PLEKHA5: variants seen among roughly 807,000 people sequenced by gnomAD.
PLEKHA5 encodes the protein pleckstrin homology domain-containing family A member 5.
In PLEKHA5, 55 loss-of-function variants were observed where a neutral mutation model predicts 181.9. The observed-to-expected ratio is 0.30, with a 90% CI of 0.24 to 0.38. The LOEUF is 0.38. PLEKHA5 is among the 10% of genes least tolerant of loss of function. PLEKHA5 has a pLI of 1.00. For synonymous variants in PLEKHA5, 535 were observed against 529.4 expected, an observed-to-expected ratio of 1.01 and a Z score of -0.15; for missense variants, 1,432 against 1,549.5, an observed-to-expected ratio of 0.92 and a Z score of 1.27.
intron 3 of PLEKHA5, among the ~76,000 whole-genome samples, chr12:19,244,008 T>G (rs540816509): frequency 6.6e-6 from 1 of 152,316 alleles, no homozygotes; most frequent in East Asian, 1.9e-4. Context: ...TTTCTCCTTT[T>G]TATTACAATG....
intron 3 of PLEKHA5, among the ~76,000 whole-genome samples, chr12:19,221,615 G>A (rs1403974071): frequency 1.3e-5 from 2 of 152,092 alleles, no homozygotes; most frequent in East Asian, 1.9e-4. Flanking sequence ...AAACCCGACC[G>A]TATGCAAAAA....
chr12:19,297,425 A>G (rs1292096401), intron 15 of PLEKHA5, among the ~76,000 whole-genome samples: 1 of 150,762 alleles, frequency 6.6e-6, no homozygotes, highest in African/African-American at 2.4e-5. Context: ...GATCGAGACC[A>G]TCCTGGCTAA....
chr12:19,291,832 A>G, intron 15 of PLEKHA5, 135 bp downstream of exon 15: 1 of 539,510 alleles, frequency 1.9e-6, no homozygotes, highest in South Asian at 2.7e-5. Context: ...AGAATATGAA[A>G]TCTCTGACCA....
chr12:19,214,767 C>T lies in PLEKHA5; in HGVS notation c.228-39173C>T, dbSNP rs537355942. 1.1e-4 allele frequency among the ~76,000 whole-genome samples: 16 copies of T among 152,168 alleles called. No homozygotes were observed. In the South Asian group the frequency reaches 2.7e-3, roughly 26 times the overall value. On this transcript the variant is annotated intron_variant, in intron 3 of 31. Transcript: ENST00000429027. ...GAAAGCAAATGAAAGAGTTGTCTGC[C>T]AGATGGTGTTAAGAGCCCATCTGAA... is the stretch of plus-strand genomic sequence containing the variant.
chr12:19,310,164 A>C (rs1261641134), intron 15 of PLEKHA5, among the ~76,000 whole-genome samples: 1 of 152,226 alleles, frequency 6.6e-6, no homozygotes, highest in African/African-American at 2.4e-5. Context: ...ACTCATTTCA[A>C]GTGAATCCTT....
chr12:19,332,558 T>C (rs1360721547), intron 20 of PLEKHA5, among the ~76,000 whole-genome samples: 1 of 152,130 alleles, frequency 6.6e-6, no homozygotes, highest in Non-Finnish European at 1.5e-5. Flanking sequence ...GGTGCAGTCA[T>C]AGCACACCAC....
intron 10 of PLEKHA5, among the ~76,000 whole-genome samples, chr12:19,272,169 A>G (rs966544870): frequency 1.3e-5 from 2 of 152,166 alleles, no homozygotes; most frequent in Non-Finnish European, 2.9e-5. Context: ...CCCAAAGAAA[A>G]AAAAATCTAA....
intron 3 of PLEKHA5, among the ~76,000 whole-genome samples, chr12:19,242,706 T>G (rs916769191): frequency 3.3e-5 from 5 of 152,188 alleles, no homozygotes; most frequent in Admixed American, 6.5e-5. Flanking sequence ...GTTCTTAATG[T>G]CTATAATAAT....
chr12:19,236,975 C>G, intron 3 of PLEKHA5: 1 of 152,140 alleles, frequency 6.6e-6, no homozygotes. Context: ...TATTTTTACT[C>G]CAGTGTTCTT....
At chr12:19,203,535 C>G (rs1565462053) in intron 3 of PLEKHA5, among the ~76,000 whole-genome samples, 1 of 152,064 alleles carries the variant, frequency 6.6e-6, no homozygotes, top group Non-Finnish European at 1.5e-5. Flanking sequence ...TTTCTCTCTC[C>G]TGTCTAGTCT....
In PLEKHA5 at chr12:19,129,756, C is replaced by T; in HGVS notation, c.-44C>T. 1.4e-6 allele frequency: 2 copies of T among 1,469,606 alleles called. No individual in the cohort carries two copies. The highest frequency in any genetic ancestry group is 1.9e-6 in the Non-Finnish European group (2 of 1,063,550). The allele number at this position is 1,469,606 out of a possible 1,614,324, so 91.0% of individuals were successfully genotyped here. On this transcript the variant is annotated 5_prime_UTR_variant, in exon 1 of 32. Coordinates refer to ENST00000429027, the MANE Select transcript of PLEKHA5 (RefSeq NM_001256470.2). ...TCGTTCCCTCCTCCCTCGGCAGCCG[C>T]GGCGGCAGCAGGAGAAGGCGGCGGC...
chr12:19,283,085 T>TA (rs2076514756), intron 11 of PLEKHA5, among the ~76,000 whole-genome samples, 195 bp from the exon 12 acceptor site: 1 of 131,138 alleles, frequency 7.6e-6, no homozygotes, highest in South Asian at 2.4e-4. Context: ...AGGCGGAGGT[T>TA]GCAGTGAGCC....
At chr12:19,298,486 AG>A (rs1261262428) in intron 15 of PLEKHA5, among the ~76,000 whole-genome samples, 1 of 130,084 alleles carries the variant, frequency 7.7e-6, no homozygotes, top group Non-Finnish European at 1.5e-5. Flanking sequence ...TCCCTGCCTC[AG>A]CCTCCCGAGT....
chr12:19,352,787 TTTTC>T (rs1438409571), intron 25 of PLEKHA5, among the ~76,000 whole-genome samples: 7 of 151,974 alleles, frequency 4.6e-5, no homozygotes, highest in Non-Finnish European at 8.8e-5. Context: ...TTCTTCTCTT[TTTTC>T]TTTTTTTTTG....
chr12:19,300,191 T>C (rs1489507967), intron 15 of PLEKHA5, among the ~76,000 whole-genome samples: 1 of 152,244 alleles, frequency 6.6e-6, no homozygotes, highest in South Asian at 2.1e-4. Flanking sequence ...AATCATAAGC[T>C]AGAGTGAAAA....
intron 30 of PLEKHA5, among the ~76,000 whole-genome samples, chr12:19,368,591 G>A (rs575082205): frequency 4.6e-5 from 7 of 152,198 alleles, no homozygotes; most frequent in South Asian, 2.1e-4. Context: ...TTTGGAGTTC[G>A]AGACCAGCCT....
chr12:19,131,603 G>A (rs1054244336), intron 2 of PLEKHA5, among the ~76,000 whole-genome samples: 11 of 151,652 alleles, frequency 7.3e-5, no homozygotes, highest in Admixed American at 6.6e-4. Flanking sequence ...ATAAATAAGT[G>A]TCCTAGTTAA....
intron 15 of PLEKHA5, among the ~76,000 whole-genome samples, chr12:19,312,841 T>C (rs2087048781): frequency 6.6e-6 from 1 of 152,224 alleles, no homozygotes. Flanking sequence ...ACAAGAGGTC[T>C]AGTTTTCGGC....
At chr12:19,322,433 TATG>T in intron 19 of PLEKHA5, 43 bp downstream of exon 19, 2 of 1,565,118 alleles carry the variant, frequency 1.3e-6, no homozygotes, top group Admixed American at 1.7e-5. Flanking sequence ...TGTTACTTAA[TATG>T]ATTATTATCA....
Sources: gnomAD v4.1 joint callset for allele counts (sites outside exome capture counted in the v4.1 genomes callset) on GRCh38, gnomAD v4.1.1 for gene constraint, MANE v1.5 for transcripts, NCBI Gene and HGNC (gene_info 2026-07-23, HGNC 2026-07-21) for gene names.